NUP160: variants seen among roughly 807,000 people sequenced by gnomAD.
NUP160 encodes the protein nuclear pore complex protein Nup160.
A neutral mutation model predicts 196.9 loss-of-function variants in NUP160; 94 were observed. That is an observed-to-expected ratio of 0.48 (90% CI 0.40 to 0.57). NUP160 has a LOEUF of 0.57. Ranked by LOEUF, NUP160 falls within the 20% of genes least tolerant of loss-of-function variation. NUP160 has a pLI of 0.00. For missense variants in NUP160, 1,638 were observed against 1,748.3 expected (o/e 0.94, Z 1.13); for synonymous variants, 605 against 619.7 (o/e 0.98, Z 0.35).
At chr11:47,799,666 C>T (rs2097673001) in intron 23 of NUP160, among the ~76,000 whole-genome samples, 1 of 152,010 alleles carries the variant, frequency 6.6e-6, no homozygotes, top group African/African-American at 2.4e-5. Flanking sequence ...CCATCTCAGC[C>T]ACCTGAGCAG....
At chr11:47,787,459 T>C (rs1401241376) in intron 31 of NUP160, among the ~76,000 whole-genome samples, 1 of 149,882 alleles carries the variant, frequency 6.7e-6, no homozygotes, top group Non-Finnish European at 1.5e-5. Context: ...AAACAGAGTC[T>C]TGCTTTGTTG....
At chr11:47,796,288 T>C in intron 27 of NUP160, 1 of 695,042 alleles carries the variant, frequency 1.4e-6, no homozygotes, top group Non-Finnish European at 2.6e-6. Flanking sequence ...ACTCACAAAT[T>C]TTACCAAAAA....
At chr11:47,833,831 C>T (rs1852120306) in intron 7 of NUP160, among the ~76,000 whole-genome samples, 2 of 148,176 alleles carry the variant, frequency 1.3e-5, no homozygotes, top group South Asian at 2.2e-4. Context: ...ATTTTACACA[C>T]ATCATCACAA....
At chr11:47,782,928 G>GGATT (rs1358507169) in intron 34 of NUP160, 145 bp downstream of exon 34, 4 of 711,378 alleles carry the variant, frequency 5.6e-6, no homozygotes, top group Non-Finnish European at 9.1e-6. Context: ...CAAAGTGCTG[G>GGATT]GATTATAGGC....
chr11:47,813,797 C>T (rs754891642), intron 13 of NUP160, among the ~76,000 whole-genome samples: 4 of 151,616 alleles, frequency 2.6e-5, no homozygotes, highest in East Asian at 1.9e-4. Context: ...CTGGGCCGGG[C>T]GCAGTGGCTC....
At chr11:47,790,173 CA>C (rs1253156257) in intron 29 of NUP160, among the ~76,000 whole-genome samples, 6 of 151,788 alleles carry the variant, frequency 4.0e-5, no homozygotes, top group East Asian at 3.9e-4. Context: ...TCAAAACTCC[CA>C]ACCTCAGGTG....
chr11:47,846,067 C>T (rs747172046), intron 2 of NUP160, among the ~76,000 whole-genome samples: 7 of 149,920 alleles, frequency 4.7e-5, no homozygotes, highest in Non-Finnish European at 7.4e-5. Flanking sequence ...ACCCAGGAGG[C>T]GGAGACTGCA....
rs1852075793 is a variant in NUP160 at position 47,831,681 on chromosome 11, A to G, written c.1101+3970T>C. On this transcript the variant is annotated intron_variant, in intron 7 of 35. Transcript: ENST00000378460. ...ATGGCAAAACCCCACCTCTACTAAAAAAATACAAAAACTTAGCCAGGCATG... is the reference window on the plus strand; with the variant it reads ...ATGGCAAAACCCCACCTCTACTAAAGAAATACAAAAACTTAGCCAGGCATG... Among the ~76,000 whole-genome samples, 6 of 151,904 alleles carry G rather than the reference A, an allele frequency of 3.9e-5. No homozygotes were observed. In the South Asian group the frequency reaches 1.2e-3, roughly 32 times the overall value.
intron 2 of NUP160, among the ~76,000 whole-genome samples, chr11:47,841,002 G>A (rs2135403543): frequency 6.9e-6 from 1 of 144,740 alleles, no homozygotes; most frequent in Admixed American, 6.9e-5. Flanking sequence ...GCAATAGCAT[G>A]CATGCGCACA....
At chr11:47,827,988 G>A (rs1053613262) in intron 7 of NUP160, among the ~76,000 whole-genome samples, 2 of 152,134 alleles carry the variant, frequency 1.3e-5, no homozygotes, top group Admixed American at 1.3e-4. Context: ...TGCCATCTCA[G>A]CCCCTCAAAT....
At position 47,791,819 on chromosome 11, in the gene NUP160, A is replaced by G. The variant is rs571297167; in HGVS notation, c.3511+111T>C. On this transcript the variant is annotated intron_variant, in intron 29 of 35. Transcript: ENST00000378460. Reference sequence around the variant, plus strand: ...CAACTGTTACTACTATAACATTTATATATTACTATTATATGTAGCTTATTT... The same window carrying G: ...CAACTGTTACTACTATAACATTTATGTATTACTATTATATGTAGCTTATTT... 6.8e-6 allele frequency: 5 copies of G among 734,594 alleles called. No homozygotes were observed. In the Admixed American group the frequency reaches 1.2e-4, roughly 17 times the overall value. 45.5% of individuals were successfully genotyped at this position (734,594 alleles called of 1,614,324 possible).
chr11:47,792,594 T>C (rs2097668489), intron 28 of NUP160, 192 bp downstream of exon 28: 1 of 537,368 alleles, frequency 1.9e-6, no homozygotes, highest in Non-Finnish European at 3.2e-6. Flanking sequence ...ACAATAATTC[T>C]GAACTTGAAA....
chr11:47,798,276 G>T lies in NUP160; in HGVS notation c.2992-14C>A. The T allele has an allele frequency of 6.3e-7, 1 of 1,581,050 alleles. No homozygotes were observed. Among genetic ancestry groups the T allele is most frequent in the Non-Finnish European group, 8.7e-7 (1 of 1,150,760 alleles). On this transcript the variant is annotated splice_polypyrimidine_tract_variant and intron_variant, in intron 24 of 35. Coordinates refer to ENST00000378460, the Ensembl canonical transcript of NUP160. ...CCTTAGAGTAGCCTAAATATCAAAT[G>T]TAGATCAAATATCAAAAAGAGCAAT...
intron 2 of NUP160, chr11:47,841,275 G>A: frequency 3.8e-6 from 1 of 265,922 alleles, no homozygotes; most frequent in South Asian, 6.8e-5. Flanking sequence ...GCCACTGGCA[G>A]CCACAGATCT....
intron 7 of NUP160, among the ~76,000 whole-genome samples, chr11:47,826,221 T>C (rs1315652366): frequency 6.6e-6 from 1 of 152,180 alleles, no homozygotes; most frequent in Non-Finnish European, 1.5e-5. Flanking sequence ...ATGATCCTCC[T>C]GCATCAGCCC....
chr11:47,802,290 G>A (rs772726421), intron 22 of NUP160, among the ~76,000 whole-genome samples: 7 of 152,086 alleles, frequency 4.6e-5, no homozygotes, highest in Non-Finnish European at 1.0e-4. Context: ...AATTAGCCGG[G>A]CGTGGTGGCG....
At chr11:47,780,282 G>A in intron 35 of NUP160, 61 bp downstream of exon 35, 3 of 1,151,272 alleles carry the variant, frequency 2.6e-6, no homozygotes, top group Non-Finnish European at 3.9e-6. Flanking sequence ...AGATCAAGCT[G>A]TAAGGTGTAA....
chr11:47,783,169 T>C (rs372114577), exon 34 of NUP160: 3 of 1,613,746 alleles, frequency 1.9e-6, no homozygotes, highest in Admixed American at 1.7e-5. Context: ...AGTTTAAGTA[T>C]AAACGAAGCA....
At chr11:47,783,187 A>G (rs1286444628) in exon 34 of NUP160, 4 of 1,613,538 alleles carry the variant, frequency 2.5e-6, no homozygotes, top group Non-Finnish European at 3.4e-6. Flanking sequence ...GCAATTCAGC[A>G]GCATCAACCT....
Sources: gnomAD v4.1 joint callset for allele counts (sites outside exome capture counted in the v4.1 genomes callset) on GRCh38, gnomAD v4.1.1 for gene constraint, MANE v1.5 for transcripts, NCBI Gene and HGNC (gene_info 2026-07-23, HGNC 2026-07-21) for gene names.